DYM: variants seen among roughly 807,000 people sequenced by gnomAD.
The protein encoded by DYM is dyggve-Melchior-Clausen syndrome protein.
DYM carries 78 observed loss-of-function variants against 93.1 expected under a neutral mutation model. The ratio of observed to expected loss-of-function variants is 0.84; its 90% CI spans 0.70 to 1.01. The LOEUF (loss-of-function observed/expected upper bound fraction) is 1.01. Ranked by LOEUF, DYM falls within the 50% of genes least tolerant of loss-of-function variation. The pLI is 0.00. For missense variants in DYM, 789 were observed against 845.0 expected, an observed-to-expected ratio of 0.93 and a Z score of 0.82; for synonymous variants, 321 against 319.7, an observed-to-expected ratio of 1.00 and a Z score of -0.04.
At chr18:49,162,617 A>G (rs2087302357) in intron 15 of DYM, among the ~76,000 whole-genome samples, 1 of 152,190 alleles carries the variant, frequency 6.6e-6, no homozygotes, top group East Asian at 1.9e-4. Context: ...TGAGTTTTGG[A>G]TGGCACATTC....
intron 3 of DYM, among the ~76,000 whole-genome samples, chr18:49,390,236 G>A (rs188242052): frequency 4.1e-4 from 62 of 152,178 alleles, no homozygotes; most frequent in Admixed American, 2.0e-3. Context: ...GACTAGCCTC[G>A]GCAACACAGG....
chr18:49,377,798 T>C (rs756824272), intron 5 of DYM, among the ~76,000 whole-genome samples: 5 of 152,218 alleles, frequency 3.3e-5, no homozygotes, highest in Non-Finnish European at 5.9e-5. Flanking sequence ...GAAAGTGTTA[T>C]TATACATATG....
intron 14 of DYM, among the ~76,000 whole-genome samples, chr18:49,190,236 G>A (rs7245345): frequency 0.04 from 6,015 of 152,268 alleles, 394 homozygotes; most frequent in African/African-American, 0.14. Flanking sequence ...TTTTCTAACT[G>A]AACACACAGA....
intron 17 of DYM, among the ~76,000 whole-genome samples, chr18:49,083,823 C>A (rs936924084): frequency 2.6e-5 from 4 of 151,966 alleles, no homozygotes; most frequent in Non-Finnish European, 4.4e-5. Flanking sequence ...TATTTAATTT[C>A]TACAGGGTCA....
At chr18:49,097,109 G>A in intron 17 of DYM, 1 of 468,416 alleles carries the variant, frequency 2.1e-6, no homozygotes, top group Non-Finnish European at 3.9e-6. Flanking sequence ...ATTAACTCTT[G>A]ATGATACTCT....
chr18:49,231,094 T>A (rs1371721384), intron 13 of DYM, among the ~76,000 whole-genome samples: 2 of 152,256 alleles, frequency 1.3e-5, no homozygotes, highest in Non-Finnish European at 2.9e-5. Context: ...CACTGCCTTT[T>A]GAGAAGTTCA....
intron 8 of DYM, among the ~76,000 whole-genome samples, chr18:49,291,080 G>A (rs1599171031): frequency 6.6e-6 from 1 of 152,206 alleles, no homozygotes; most frequent in Admixed American, 6.5e-5. Context: ...CGAGGACCAT[G>A]GCAATAGATG....
intron 13 of DYM, among the ~76,000 whole-genome samples, chr18:49,250,710 T>C (rs1290568253): frequency 6.6e-6 from 1 of 152,212 alleles, no homozygotes; most frequent in Non-Finnish European, 1.5e-5. Flanking sequence ...GGTGGGAAGC[T>C]GGTTGAAAAA....
At chr18:49,159,514 T>C (rs1046868071) in intron 15 of DYM, among the ~76,000 whole-genome samples, 1 of 152,226 alleles carries the variant, frequency 6.6e-6, no homozygotes, top group African/African-American at 2.4e-5. Context: ...AGAATGATAA[T>C]AATAAGTGAT....
At chr18:49,084,426 T>C (rs1015550847) in intron 17 of DYM, among the ~76,000 whole-genome samples, 1 of 152,196 alleles carries the variant, frequency 6.6e-6, no homozygotes, top group Non-Finnish European at 1.5e-5. Context: ...GAATATGTAT[T>C]CTGCTGCCAT....
At chr18:49,448,899 T>C (rs2082310981) in intron 1 of DYM, among the ~76,000 whole-genome samples, 1 of 152,214 alleles carries the variant, frequency 6.6e-6, no homozygotes, top group Non-Finnish European at 1.5e-5. Context: ...TTAGCAATCA[T>C]ATTGAGCAGG....
At chr18:49,253,669 A>G (rs1283834586) in intron 13 of DYM, among the ~76,000 whole-genome samples, 1 of 152,176 alleles carries the variant, frequency 6.6e-6, no homozygotes, top group East Asian at 1.9e-4. Context: ...TGGTCCTTGA[A>G]CAAGAAAAGT....
At chr18:49,424,654 A>T (rs1261432756) in intron 2 of DYM, among the ~76,000 whole-genome samples, 3 of 152,194 alleles carry the variant, frequency 2.0e-5, no homozygotes, top group Non-Finnish European at 4.4e-5. Context: ...CCATCAACTC[A>T]GTCCAAAATC....
At chr18:49,149,194 G>A (rs1337987756) in intron 15 of DYM, among the ~76,000 whole-genome samples, 2 of 152,124 alleles carry the variant, frequency 1.3e-5, no homozygotes, top group African/African-American at 4.8e-5. Flanking sequence ...AGGTGGTGGA[G>A]CTCAGGAGGT....
At chr18:49,065,269 G>T (rs2076300694) in intron 17 of DYM, among the ~76,000 whole-genome samples, 1 of 152,144 alleles carries the variant, frequency 6.6e-6, no homozygotes, top group African/African-American at 2.4e-5. Flanking sequence ...TTTAAAACCA[G>T]TAACTCTGCT....
chr18:49,306,155 T>C (rs1390373720), intron 8 of DYM, among the ~76,000 whole-genome samples: 1 of 152,116 alleles, frequency 6.6e-6, no homozygotes, highest in Non-Finnish European at 1.5e-5. Flanking sequence ...GAGACCAAGA[T>C]ACATGAAGAA....
At chr18:49,346,268 C>T (rs1216448511) in intron 6 of DYM, among the ~76,000 whole-genome samples, 1 of 152,074 alleles carries the variant, frequency 6.6e-6, no homozygotes, top group Non-Finnish European at 1.5e-5. Flanking sequence ...GTGGTATATA[C>T]AGACAATGGG....
chr18:49,432,095 G>A (rs1348422291), intron 1 of DYM, among the ~76,000 whole-genome samples: 2 of 152,030 alleles, frequency 1.3e-5, no homozygotes, highest in Admixed American at 6.6e-5. Flanking sequence ...CCTGAAGGCC[G>A]GGCGCTGTGG....
rs141717064 is a variant in DYM at position 49,205,105 on chromosome 18, C to T, written c.1625+4446G>A. Among the ~76,000 whole-genome samples the T allele has an allele frequency of 2.7e-3, 412 of 152,238 alleles. 2 individuals carry two copies. The highest frequency in any genetic ancestry group is 9.7e-3 in the African/African-American group (403 of 41,528). On this transcript the variant is annotated intron_variant, in intron 14 of 17. Coordinates refer to ENST00000675505, the MANE Select transcript of DYM (RefSeq NM_001353214.3). ...CCTCCCAAGTAGCTGGGACTACAGG[C>T]ATGTACCACTACACCCAGCTAATTT... is the stretch of plus-strand genomic sequence containing the variant.
Sources: gnomAD v4.1 joint callset for allele counts (sites outside exome capture counted in the v4.1 genomes callset) on GRCh38, gnomAD v4.1.1 for gene constraint, MANE v1.5 for transcripts, NCBI Gene and HGNC (gene_info 2026-07-23, HGNC 2026-07-21) for gene names.